DNAI7: variants seen among roughly 807,000 people sequenced by gnomAD.
DNAI7 encodes cancer susceptibility 1.
In DNAI7, 78 loss-of-function variants were observed where a neutral mutation model predicts 86.6. The ratio of observed to expected loss-of-function variants is 0.90; its 90% CI spans 0.75 to 1.09. DNAI7 has a LOEUF of 1.09. Among genes scored for constraint, DNAI7 ranks in the 50% least tolerant of loss-of-function variants. DNAI7 has a pLI of 0.00. For synonymous variants in DNAI7, 274 were observed against 273.0 expected (o/e 1.00, Z -0.04); for missense variants, 753 against 810.2 (o/e 0.93, Z 0.86).
Position 25,119,204 on chromosome 12 carries a change from T to A in DNAI7, c.1337A>T (p.Glu446Val). 1 of 1,613,072 alleles carries A rather than the reference T, an allele frequency of 6.2e-7. No individual in the cohort carries two copies. The highest frequency in any genetic ancestry group is 8.5e-7 in the Non-Finnish European group (1 of 1,179,472). Residue 446 changes from glutamate to valine, a missense_variant, in exon 12 of 16, where the codon GAG (glutamate) becomes GTG (valine). Transcript: ENST00000395987. ...AAAAAAGATTACATTCTCATGAACCTCAAGTGTGACCTCTATAGGTGGGAA... is the reference window on the plus strand; with the variant it reads ...AAAAAAGATTACATTCTCATGAACCACAAGTGTGACCTCTATAGGTGGGAA... ...NAFPPIEVTL[E>V]VHENVIFFED...
At position 25,191,253 on chromosome 12, in the gene DNAI7, A is replaced by C. The variant is rs148375711; in HGVS notation, c.4-622T>G. On this transcript the variant is annotated intron_variant, in intron 1 of 15. Coordinates refer to ENST00000395987, the MANE Select transcript of DNAI7 (RefSeq NM_018272.5). ...CACAGGAAGACCCCGTCTCTACAAA[A>C]AATTTTAAAAATTAGCCAAGCACAT... Among the ~76,000 whole-genome samples the C allele has an allele frequency of 8.6e-4, 131 of 152,266 alleles. 1 individual carries two copies. Among genetic ancestry groups the C allele is most frequent in the Admixed American group, 1.6e-3 (24 of 15,294 alleles).
At chr12:25,125,464 G>T (rs896463339) in intron 9 of DNAI7, among the ~76,000 whole-genome samples, 2 of 152,058 alleles carry the variant, frequency 1.3e-5, no homozygotes, top group African/African-American at 4.8e-5. Flanking sequence ...TTTTAATAGG[G>T]TTGTTTCTCT....
chr12:25,108,037 C>G, downstream of DNAI7: 1 of 1,613,926 alleles, frequency 6.2e-7, no homozygotes, highest in Non-Finnish European at 8.5e-7. Flanking sequence ...CAGACTCCGA[C>G]ACAATGGGCC....
At chr12:25,185,956 T>A (rs982799249) in intron 2 of DNAI7, among the ~76,000 whole-genome samples, 1 of 152,196 alleles carries the variant, frequency 6.6e-6, no homozygotes, top group Non-Finnish European at 1.5e-5. Context: ...ACAGTTGTAT[T>A]CCTAAACAGT....
At chr12:25,121,227 C>G (rs935050233) in intron 11 of DNAI7, among the ~76,000 whole-genome samples, 1 of 152,180 alleles carries the variant, frequency 6.6e-6, no homozygotes, top group Non-Finnish European at 1.5e-5. Context: ...CGAGGGAACA[C>G]ATATTAACAA....
chr12:25,191,901 G>C (rs189062666), intron 1 of DNAI7, among the ~76,000 whole-genome samples: 2 of 152,188 alleles, frequency 1.3e-5, no homozygotes, highest in East Asian at 3.9e-4. Flanking sequence ...TTTCTGGTAA[G>C]GAATTTATAG....
At position 25,154,345 on chromosome 12, in the gene DNAI7, T is replaced by C; in HGVS notation, c.412A>G (p.Ile138Val). 1 of 1,609,756 alleles carries C rather than the reference T, an allele frequency of 6.2e-7. No individual in the cohort carries two copies. Among genetic ancestry groups the C allele is most frequent in the Non-Finnish European group, 8.5e-7 (1 of 1,179,074 alleles). ...TTTAGCACTACTTTACTCTTCTCAA[T>C]CACTTCCTCAAAAGTCTCATTTGTT... ...EKTNETFEEV[I>V]EKSKVVLNLI... The change falls in exon 6 of 16, where the codon ATT (isoleucine) becomes GTT (valine). Residue 138 changes from isoleucine (I) to valine (V), a missense_variant. Coordinates refer to ENST00000395987, the MANE Select transcript of DNAI7 (RefSeq NM_018272.5).
intron 9 of DNAI7, among the ~76,000 whole-genome samples, chr12:25,143,387 T>G (rs1944444841): frequency 6.6e-6 from 1 of 152,102 alleles, no homozygotes; most frequent in Non-Finnish European, 1.5e-5. Context: ...TAGCTGGGAT[T>G]ACAGGTATAC....
chr12:25,134,229 C>T (rs1943265708), intron 9 of DNAI7, among the ~76,000 whole-genome samples: 1 of 151,862 alleles, frequency 6.6e-6, no homozygotes, highest in African/African-American at 2.4e-5. Flanking sequence ...CTCCTGAGCC[C>T]AAGGGATCCT....
At chr12:25,151,560 T>G (rs1056311142) in intron 6 of DNAI7, among the ~76,000 whole-genome samples, 1 of 152,234 alleles carries the variant, frequency 6.6e-6, no homozygotes, top group Non-Finnish European at 1.5e-5. Flanking sequence ...CCCTTGCAGC[T>G]CATCACTGGT....
At chr12:25,185,386 T>G (rs1949936814) in intron 2 of DNAI7, among the ~76,000 whole-genome samples, 1 of 152,192 alleles carries the variant, frequency 6.6e-6, no homozygotes, top group Non-Finnish European at 1.5e-5. Flanking sequence ...ATCAAAATAT[T>G]ATTTCTGATA....
At chr12:25,153,415 C>T (rs191490784) in intron 6 of DNAI7, among the ~76,000 whole-genome samples, 135 of 151,992 alleles carry the variant, frequency 8.9e-4, no homozygotes, top group East Asian at 1.9e-4. Flanking sequence ...AGCGAGATGC[C>T]GTCTCAAAAA....
chr12:25,155,074 TA>T (rs1451089620), intron 5 of DNAI7, among the ~76,000 whole-genome samples: 1 of 152,242 alleles, frequency 6.6e-6, no homozygotes, highest in African/African-American at 2.4e-5. Flanking sequence ...TCCCTAAGTA[TA>T]CATTCCCAGC....
chr12:25,113,310 TG>T, intron 13 of DNAI7, among the ~76,000 whole-genome samples: 2 of 152,016 alleles, frequency 1.3e-5, no homozygotes. Flanking sequence ...TTGTTGTTGT[TG>T]TTGTTTTTGA....
intron 6 of DNAI7, among the ~76,000 whole-genome samples, chr12:25,153,259 T>TAAAAATACA: frequency 6.6e-6 from 1 of 152,022 alleles, no homozygotes. Flanking sequence ...TCATTTCTAC[T>TAAAAATACA]AAAAATACAA....
At chr12:25,170,451 TA>T (rs1386602343) in intron 2 of DNAI7, among the ~76,000 whole-genome samples, 3 of 151,040 alleles carry the variant, frequency 2.0e-5, no homozygotes, top group Non-Finnish European at 2.9e-5. Context: ...TACATGCACC[TA>T]ACACTGGAGC....
chr12:25,134,023 C>A (rs1440718782), intron 9 of DNAI7, among the ~76,000 whole-genome samples: 1 of 152,092 alleles, frequency 6.6e-6, no homozygotes, highest in Non-Finnish European at 1.5e-5. Context: ...AAGACAGGGT[C>A]CCGCTCTCTT....
At chr12:25,187,124 C>T (rs1285737005) in intron 2 of DNAI7, among the ~76,000 whole-genome samples, 3 of 152,192 alleles carry the variant, frequency 2.0e-5, no homozygotes, top group Admixed American at 2.0e-4. Flanking sequence ...AATACTTTAC[C>T]ATGGCTTACT....
At position 25,136,084 on chromosome 12, in the gene DNAI7, C is replaced by A. The variant is rs185794416; in HGVS notation, c.1002+8281G>T. Among the ~76,000 whole-genome samples, 5 of 152,300 alleles carry A rather than the reference C, an allele frequency of 3.3e-5. No homozygotes were observed. The East Asian group carries it at 9.7e-4, about 29-fold the overall frequency. ...GAAAGCGCCACCTCCTGGCTGAAGG[C>A]CAACAAACAGCCAGCATTTGAGAAA... On this transcript the variant is annotated intron_variant, in intron 9 of 15. Transcript: ENST00000395987.
Sources: allele counts gnomAD v4.1 joint callset (sites outside exome capture counted in the v4.1 genomes callset), GRCh38; gene constraint gnomAD v4.1.1; transcripts MANE v1.5; gene names NCBI Gene and HGNC (gene_info 2026-07-23, HGNC 2026-07-21).